The following SIPA1L3 variants were observed in gnomAD, a reference collection of about 807,000 sequenced individuals.
The protein encoded by SIPA1L3 is signal induced proliferation associated 1 like 3.
SIPA1L3 carries 59 observed loss-of-function variants against 150.1 expected under a neutral mutation model. The ratio of observed to expected loss-of-function variants is 0.39; its 90% CI spans 0.32 to 0.49. SIPA1L3 has a LOEUF of 0.49. Ranked by LOEUF, SIPA1L3 falls within the 20% of genes least tolerant of loss-of-function variation. The pLI, the probability that SIPA1L3 is intolerant of heterozygous loss-of-function variation, is 0.86. For missense variants in SIPA1L3, 2,211 were observed against 2,489.5 expected, an observed-to-expected ratio of 0.89 and a Z score of 2.38; for synonymous variants, 1,070 against 1,077.6, an observed-to-expected ratio of 0.99 and a Z score of 0.14.
At chr19:37,927,396 C>T (rs1358134754) in intron 1 of SIPA1L3, among the ~76,000 whole-genome samples, 1 of 152,130 alleles carries the variant, frequency 6.6e-6, no homozygotes, top group Non-Finnish European at 1.5e-5. Flanking sequence ...AGGTGATCCA[C>T]CCACCTTGGT....
chr19:38,062,709 C>T (rs934392674), intron 2 of SIPA1L3, among the ~76,000 whole-genome samples: 1 of 152,002 alleles, frequency 6.6e-6, no homozygotes, highest in Non-Finnish European at 1.5e-5. Flanking sequence ...TAACTGCTGC[C>T]TCACGGGCTC....
At chr19:37,922,189 A>G (rs548964345) in intron 1 of SIPA1L3, among the ~76,000 whole-genome samples, 2 of 151,894 alleles carry the variant, frequency 1.3e-5, no homozygotes, top group African/African-American at 2.4e-5. Context: ...GGGTTCAAGC[A>G]ATTCTCCTGC....
chr19:38,054,160 C>T lies in SIPA1L3; in HGVS notation c.-311+25004C>T, dbSNP rs1208522904. Among the ~76,000 whole-genome samples the T allele has an allele frequency of 5.3e-5, 8 of 151,692 alleles. No homozygotes were observed. In the East Asian group the frequency reaches 1.6e-3, roughly 30 times the overall value. On this transcript the variant is annotated intron_variant, in intron 2 of 21. Transcript: ENST00000222345. ...GGGAGTTCAAGACCAGCCTGACCAACATGGAGAAACCCCTTCTCTACTAAA... is the reference window on the plus strand; with the variant it reads ...GGGAGTTCAAGACCAGCCTGACCAATATGGAGAAACCCCTTCTCTACTAAA...
intron 5 of SIPA1L3, among the ~76,000 whole-genome samples, chr19:38,100,557 C>CGATT (rs1452147064): frequency 1.3e-5 from 2 of 152,192 alleles, no homozygotes; most frequent in Non-Finnish European, 2.9e-5. Context: ...GGAGAGCCAT[C>CGATT]GATTGGGCTA....
chr19:38,076,562 T>G (rs892079373), intron 2 of SIPA1L3, among the ~76,000 whole-genome samples: 1 of 152,186 alleles, frequency 6.6e-6, no homozygotes. Context: ...TAAAAAATGA[T>G]CCCTAGAGGT....
At chr19:38,040,919 C>T (rs1242754615) in intron 2 of SIPA1L3, among the ~76,000 whole-genome samples, 1 of 151,908 alleles carries the variant, frequency 6.6e-6, no homozygotes, top group East Asian at 1.9e-4. Flanking sequence ...CACCACCACG[C>T]CCAGCTAATT....
intron 2 of SIPA1L3, among the ~76,000 whole-genome samples, chr19:38,033,607 G>C (rs1051659788): frequency 1.3e-5 from 2 of 152,126 alleles, no homozygotes; most frequent in African/African-American, 4.8e-5. Context: ...AGGATCACTT[G>C]CGCCCAGGAG....
intron 16 of SIPA1L3, among the ~76,000 whole-genome samples, chr19:38,186,735 A>T (rs1297373922): frequency 6.6e-6 from 1 of 150,784 alleles, no homozygotes; most frequent in African/African-American, 2.4e-5. Flanking sequence ...TCATGCCTGT[A>T]ATCCCAGCAC....
chr19:37,910,650 G>A (rs942073402), intron 1 of SIPA1L3, among the ~76,000 whole-genome samples: 1 of 152,152 alleles, frequency 6.6e-6, no homozygotes, highest in African/African-American at 2.4e-5. Flanking sequence ...TGTGGCCCAG[G>A]CTGGAGTGCA....
intron 1 of SIPA1L3, among the ~76,000 whole-genome samples, chr19:37,973,080 G>A (rs1242789072): frequency 1.3e-5 from 2 of 151,674 alleles, no homozygotes; most frequent in African/African-American, 2.4e-5. Flanking sequence ...AAGGGGGGAG[G>A]ATAGGTATTG....
In SIPA1L3 at chr19:38,130,643, G is replaced by A. The variant is rs960757883; in HGVS notation, c.3014G>A (p.Ser1005Asn). The change falls in exon 10 of 22, where the codon AGC (serine) becomes AAC (asparagine). Residue 1005 changes from serine to asparagine, a missense_variant. Physicochemically the swap from Ser to Asn is conservative, Grantham distance 46. Around this residue, in one of 5 missense-constraint regions of SIPA1L3, gnomAD observed 625 missense variants for 804.2 expected, o/e 0.78. Coordinates refer to ENST00000222345, the MANE Select transcript of SIPA1L3 (RefSeq NM_015073.3). ...FAWQAGLRQG[S>N]RLVEICKVAV... ...TGGCAGGCCGGCCTCCGGCAGGGCA[G>A]CCGACTAGTGGAGATCTGCAAGGTG... The A allele has an allele frequency of 6.2e-7, 1 of 1,613,612 alleles. No individual in the cohort carries two copies.
intron 1 of SIPA1L3, among the ~76,000 whole-genome samples, chr19:38,010,153 C>T (rs562327080): frequency 9.2e-5 from 14 of 152,298 alleles, no homozygotes; most frequent in African/African-American, 3.4e-4. Flanking sequence ...GTGATCTCAG[C>T]ACTTGAGGAA....
intron 8 of SIPA1L3, among the ~76,000 whole-genome samples, chr19:38,116,532 A>C (rs796537895): frequency 1.4e-5 from 2 of 147,592 alleles, no homozygotes; most frequent in African/African-American, 5.1e-5. Flanking sequence ...TCTCAAAAAA[A>C]AAAAAAAAAG....
intron 1 of SIPA1L3, among the ~76,000 whole-genome samples, chr19:37,954,459 G>A (rs1171479845): frequency 6.6e-6 from 1 of 152,130 alleles, no homozygotes; most frequent in African/African-American, 2.4e-5. Flanking sequence ...TGCTCCTTGG[G>A]AAAATGGGGG....
chr19:38,078,438 G>GCACGCACA (rs112384687), intron 2 of SIPA1L3, among the ~76,000 whole-genome samples: 9 of 138,898 alleles, frequency 6.5e-5, no homozygotes, highest in African/African-American at 2.4e-4. Context: ...GCGCATACAT[G>GCACGCACA]CACACACACA....
chr19:37,952,356 A>G (rs353410), intron 1 of SIPA1L3, among the ~76,000 whole-genome samples: 60,250 of 151,110 alleles, frequency 0.4, 15,543 homozygotes, highest in East Asian at 0.73. Context: ...ATTTTAGTGG[A>G]CCCTAGAATC....
chr19:38,186,242 T>C (rs2146032295), intron 16 of SIPA1L3: 1 of 152,340 alleles, frequency 6.6e-6, no homozygotes, highest in South Asian at 2.1e-4. Flanking sequence ...GCATATAAAA[T>C]ATCAGCAGGA....
intron 16 of SIPA1L3, among the ~76,000 whole-genome samples, chr19:38,190,554 A>G (rs1224517523): frequency 2.6e-5 from 4 of 152,236 alleles, no homozygotes; most frequent in Admixed American, 1.3e-4. Flanking sequence ...GCTGAGAAAC[A>G]GAAAAAGGAA....
chr19:37,955,662 C>G (rs1291084806), intron 1 of SIPA1L3, among the ~76,000 whole-genome samples: 4 of 152,186 alleles, frequency 2.6e-5, no homozygotes, highest in African/African-American at 9.7e-5. Context: ...CGTCACTTAG[C>G]ATAATGTTTC....
Sources: gnomAD v4.1 joint callset for allele counts (sites outside exome capture counted in the v4.1 genomes callset) on GRCh38, gnomAD v4.1.1 for gene constraint, gnomAD v4.1.1 regional missense constraint, MANE v1.5 for transcripts, NCBI Gene and HGNC (gene_info 2026-07-23, HGNC 2026-07-21) for gene names.